The following DCHS2 variants were observed in gnomAD, a reference collection of about 807,000 sequenced individuals.
DCHS2 encodes dachsous cadherin-related 2.
In DCHS2, 142 loss-of-function variants were observed where a neutral mutation model predicts 182.4. The ratio of observed to expected loss-of-function variants is 0.78; its 90% CI spans 0.68 to 0.89. The LOEUF is 0.89. Among genes scored for constraint, DCHS2 ranks in the 40% least tolerant of loss-of-function variants. DCHS2 has a pLI of 0.00. For synonymous variants in DCHS2, 1,740 were observed against 1,663.3 expected, an observed-to-expected ratio of 1.05 and a Z score of -1.12; for missense variants, 4,319 against 4,198.6, an observed-to-expected ratio of 1.03 and a Z score of -0.79.
At chr4:154,343,643 C>A in intron 3 of DCHS2, 2 of 1,471,906 alleles carry the variant, frequency 1.4e-6, no homozygotes, top group Non-Finnish European at 1.8e-6. Flanking sequence ...CTCTTTCAAC[C>A]TTCCTATATT....
At position 154,259,664 on chromosome 4, in the gene DCHS2, C is replaced by G. The variant is rs915774930; in HGVS notation, c.6670G>C (p.Ala2224Pro). The G allele has an allele frequency of 1.9e-6, 3 of 1,613,916 alleles. No individual in the cohort carries two copies. The highest frequency in any genetic ancestry group is 2.5e-6 in the Non-Finnish European group (3 of 1,180,006). The change falls in exon 15 of 20, where the codon GCC becomes CCC. Residue 2224 changes from alanine to proline, a missense_variant. Coordinates refer to ENST00000357232, the MANE Select transcript of DCHS2 (RefSeq NM_001358235.2). ...ATCAAGACTGCTACTTTGCAATAGGCTCTATGCCCACTACTTTCAGCTAAA... is the reference window on the plus strand; with the variant it reads ...ATCAAGACTGCTACTTTGCAATAGGGTCTATGCCCACTACTTTCAGCTAAA... ...IVLAESSGHRAYCKVAVLIQD... is the reference protein window; with the variant it reads ...IVLAESSGHRPYCKVAVLIQD...
At chr4:154,328,681 G>C (rs1277733807) in intron 6 of DCHS2, among the ~76,000 whole-genome samples, 5 of 152,126 alleles carry the variant, frequency 3.3e-5, no homozygotes, top group Non-Finnish European at 7.4e-5. Context: ...TACATGTTTA[G>C]AGTCCAACTG....
At chr4:154,355,336 A>G (rs900334390) in intron 3 of DCHS2, among the ~76,000 whole-genome samples, 2 of 36,552 alleles carry the variant, frequency 5.5e-5, no homozygotes, top group African/African-American at 1.7e-4. Flanking sequence ...CACTCCCATC[A>G]GCTATGACAG....
intron 3 of DCHS2, among the ~76,000 whole-genome samples, chr4:154,341,585 C>CAT (rs1173970542): frequency 4.0e-5 from 3 of 74,566 alleles, no homozygotes; most frequent in Non-Finnish European, 9.1e-5. Flanking sequence ...TGCATACATT[C>CAT]ATATATATAC....
intron 3 of DCHS2, among the ~76,000 whole-genome samples, chr4:154,342,991 G>T (rs558469650): frequency 2.6e-5 from 4 of 152,188 alleles, no homozygotes; most frequent in African/African-American, 9.6e-5. Context: ...ATGGATTGCA[G>T]AATGAATCTT....
In DCHS2 at chr4:154,325,316, C is replaced by CGTGTGTGT. The variant is rs75589397; in HGVS notation, c.4018+2769_4018+2776dup. Reference sequence around the variant, plus strand: ...AGTGGTATTATAGCAGGATTATAGCCGTGTGTGTGTGTGTGTGTGTGTGTG... The same window carrying CGTGTGTGT: ...AGTGGTATTATAGCAGGATTATAGCCGTGTGTGTGTGTGTGTGTGTGTGTGTGTGTGTG... On this transcript the variant is annotated intron_variant, in intron 7 of 19. Coordinates refer to ENST00000357232, the MANE Select transcript of DCHS2 (RefSeq NM_001358235.2). 6.3e-3 allele frequency among the ~76,000 whole-genome samples: 901 copies of CGTGTGTGT among 142,710 alleles called. 11 individuals carry two copies. Among genetic ancestry groups the CGTGTGTGT allele is most frequent in the African/African-American group, 0.022 (849 of 38,232 alleles). The allele number at this position is 142,710 out of a possible 152,430, so 93.6% of individuals were successfully genotyped here.
intron 13 of DCHS2, among the ~76,000 whole-genome samples, chr4:154,276,534 T>C (rs868214487): frequency 1.1e-4 from 16 of 152,210 alleles, no homozygotes; most frequent in African/African-American, 3.9e-4. Flanking sequence ...ATGTTTGTTA[T>C]TCCTAAGCAA....
chr4:154,455,354 A>T (rs1241636356), intron 1 of DCHS2, among the ~76,000 whole-genome samples: 1 of 152,232 alleles, frequency 6.6e-6, no homozygotes, highest in Non-Finnish European at 1.5e-5. Context: ...TTGTCAAGGG[A>T]AATATCATAG....
At chr4:154,358,485 G>A (rs187837190) in intron 3 of DCHS2, among the ~76,000 whole-genome samples, 6 of 152,244 alleles carry the variant, frequency 3.9e-5, no homozygotes, top group Admixed American at 3.9e-4. Context: ...AAACTTAATT[G>A]TACTTGAAAT....
Position 154,433,701 on chromosome 4 carries a change from G to A in DCHS2, c.2052+55603C>T, listed in dbSNP as rs76709874. ...GAATCACTGCGCCAGGCCAGTACCC[G>A]TTGTTTTAAGCCACTCAGTTTGTGA... On this transcript the variant is annotated intron_variant, in intron 1 of 19. Transcript: ENST00000357232. 8.5e-5 allele frequency among the ~76,000 whole-genome samples: 13 copies of A among 152,090 alleles called. 1 individual carries two copies. The South Asian group carries it at 1.2e-3, about 15-fold the overall frequency.
chr4:154,455,788 G>A (rs185112921), intron 1 of DCHS2, among the ~76,000 whole-genome samples: 17 of 152,284 alleles, frequency 1.1e-4, no homozygotes, highest in African/African-American at 3.6e-4. Context: ...GGATTTACAA[G>A]ATTAAAAGTA....
intron 7 of DCHS2, among the ~76,000 whole-genome samples, chr4:154,324,014 G>C (rs1014179282): frequency 2.0e-5 from 3 of 152,140 alleles, no homozygotes; most frequent in Non-Finnish European, 4.4e-5. Flanking sequence ...ACTTTCAGAG[G>C]AGTTCATTAT....
At chr4:154,338,908 C>A (rs1315649299) in intron 3 of DCHS2, among the ~76,000 whole-genome samples, 1 of 152,094 alleles carries the variant, frequency 6.6e-6, no homozygotes, top group African/African-American at 2.4e-5. Context: ...TCCAGAGAAG[C>A]AAACCAATGG....
intron 1 of DCHS2, among the ~76,000 whole-genome samples, chr4:154,440,163 A>C (rs892044839): frequency 6.6e-6 from 1 of 152,182 alleles, no homozygotes; most frequent in Admixed American, 6.5e-5. Flanking sequence ...TTCCCTCAAA[A>C]GACAGCTCCT....
At chr4:154,351,578 C>G (rs934678398) in intron 3 of DCHS2, among the ~76,000 whole-genome samples, 4 of 152,122 alleles carry the variant, frequency 2.6e-5, no homozygotes, top group Non-Finnish European at 4.4e-5. Context: ...ACCTCCAAAT[C>G]AGTGATCCTC....
intron 1 of DCHS2, among the ~76,000 whole-genome samples, chr4:154,424,889 T>A (rs942987747): frequency 1.3e-5 from 2 of 152,166 alleles, no homozygotes; most frequent in African/African-American, 2.4e-5. Flanking sequence ...CAGAGACCCT[T>A]CCCATGATAA....
chr4:154,271,925 A>T (rs1168570851), intron 13 of DCHS2, among the ~76,000 whole-genome samples: 1 of 152,076 alleles, frequency 6.6e-6, no homozygotes, highest in African/African-American at 2.4e-5. Flanking sequence ...ATGCTTTCTT[A>T]TGCCCATTTC....
At chr4:154,439,914 G>T (rs945760422) in intron 1 of DCHS2, among the ~76,000 whole-genome samples, 1 of 152,106 alleles carries the variant, frequency 6.6e-6, no homozygotes, top group Non-Finnish European at 1.5e-5. Context: ...TACTACTGAG[G>T]TTTGCCACAT....
chr4:154,320,807 AC>A lies in DCHS2; in HGVS notation c.4591del (p.Val1531SerfsTer12), dbSNP rs756980978. 6.2e-7 allele frequency: 1 copy of A among 1,614,106 alleles called. No individual in the cohort carries two copies. The highest frequency in any genetic ancestry group is 8.5e-7 in the Non-Finnish European group (1 of 1,180,002). On this transcript the variant is annotated frameshift_variant, in exon 9 of 20. Transcript: ENST00000357232. LOFTEE classifies it high-confidence loss of function. ...ENVPIGTLVY[V>X]FNAKDDDGSF... ...GCCGTCATCATCTTTGGCATTGAAG[AC>A]ATACACCAGGGTTCCTATGGGAACA...
Sources: gnomAD v4.1 joint callset for allele counts (sites outside exome capture counted in the v4.1 genomes callset) on GRCh38, gnomAD v4.1.1 for gene constraint, MANE v1.5 for transcripts, NCBI Gene and HGNC (gene_info 2026-07-23, HGNC 2026-07-21) for gene names.